PDZRN4: variants seen among roughly 807,000 people sequenced by gnomAD.
PDZRN4 encodes PDZ domain-containing RING finger protein 4.
PDZRN4 carries 70 observed loss-of-function variants against 99.0 expected under a neutral mutation model. That is an observed-to-expected ratio of 0.71 (90% CI 0.58 to 0.86). The LOEUF (loss-of-function observed/expected upper bound fraction) is 0.86. Ranked by LOEUF, PDZRN4 falls within the 40% of genes least tolerant of loss-of-function variation. The pLI is 0.00. For missense variants in PDZRN4, 1,474 were observed against 1,331.2 expected, an observed-to-expected ratio of 1.11 and a Z score of -1.67; for synonymous variants, 551 against 501.6, an observed-to-expected ratio of 1.10 and a Z score of -1.32.
chr12:41,411,067 A>ATATATATATATATATTT (rs34064559), intron 3 of PDZRN4, among the ~76,000 whole-genome samples: 5 of 140,432 alleles, frequency 3.6e-5, no homozygotes, highest in African/African-American at 1.3e-4. Context: ...ATATATATAT[A>ATATATATATATATATTT]TTTTTTTTTT....
At position 41,517,827 on chromosome 12, in the gene PDZRN4, C is replaced by T. The variant is rs570080057; in HGVS notation, c.1203+7914C>T. 2.0e-5 allele frequency among the ~76,000 whole-genome samples: 3 copies of T among 152,178 alleles called. No individual in the cohort carries two copies. In the South Asian group the frequency reaches 6.2e-4, roughly 32 times the overall value. On this transcript the variant is annotated intron_variant, in intron 5 of 9. Coordinates refer to ENST00000402685, the MANE Select transcript of PDZRN4 (RefSeq NM_001164595.2). ...GTTACAGAGAAAGCCCACACACTCA[C>T]ATGGCCTCACACTGGTCTATGTGTA...
chr12:41,338,109 T>C (rs1951788970), intron 3 of PDZRN4, among the ~76,000 whole-genome samples: 1 of 152,118 alleles, frequency 6.6e-6, no homozygotes, highest in Admixed American at 6.6e-5. Context: ...GATGACTATT[T>C]ATAATTAGAA....
At chr12:41,480,794 G>A (rs1428096973) in intron 3 of PDZRN4, among the ~76,000 whole-genome samples, 1 of 152,018 alleles carries the variant, frequency 6.6e-6, no homozygotes, top group African/African-American at 2.4e-5. Context: ...CAACTCAAAT[G>A]TGAGTCTAGG....
Position 41,188,585 on chromosome 12 carries a change from C to T in PDZRN4, c.130C>T (p.Pro44Ser), listed in dbSNP as rs936685241. Residue 44 changes from proline (P) to serine (S), a missense_variant, in exon 1 of 10, where the codon CCC becomes TCC. Pro to Ser is a moderately conservative substitution (Grantham distance 74). Transcript: ENST00000402685. ...GHVFCASCLL[P>S]WAVRRRRCPL... is the part of the protein sequence containing the mutation. ...CGTCTTCTGCGCCAGCTGCCTGTTG[C>T]CCTGGGCGGTGCGGAGGCGCCGGTG... 1.3e-6 allele frequency: 2 copies of T among 1,543,918 alleles called. No homozygotes were observed. Among genetic ancestry groups the T allele is most frequent in the Non-Finnish European group, 1.7e-6 (2 of 1,151,654 alleles).
chr12:41,247,789 G>A lies in PDZRN4; in HGVS notation c.843+53601G>A, dbSNP rs372670467. 1.5e-4 allele frequency among the ~76,000 whole-genome samples: 23 copies of A among 152,186 alleles called. No individual in the cohort carries two copies. The East Asian group carries it at 3.7e-3, about 24-fold the overall frequency. On this transcript the variant is annotated intron_variant, in intron 3 of 9. Transcript: ENST00000402685. ...TTTAAAAAAGAAAAATAGCATTTGT[G>A]CTTAGGGTAGCCAGTTTCGAACATG...
chr12:41,252,527 C>T (rs1951177343), intron 3 of PDZRN4, among the ~76,000 whole-genome samples: 1 of 152,102 alleles, frequency 6.6e-6, no homozygotes, highest in Non-Finnish European at 1.5e-5. Flanking sequence ...GCAGGGGGAT[C>T]ACAGGAGTTT....
rs1180305986 is a variant in PDZRN4 at position 41,402,942 on chromosome 12, G to A, written c.844-103514G>A. 3.3e-5 allele frequency among the ~76,000 whole-genome samples: 5 copies of A among 151,758 alleles called. No homozygotes were observed. The East Asian group carries it at 7.7e-4, about 24-fold the overall frequency. ...GCTAATATCGTGGTATCAAATTTAG[G>A]GAATTGATATATTTCATGATAACTT... is the stretch of plus-strand genomic sequence containing the variant. On this transcript the variant is annotated intron_variant, in intron 3 of 9. Transcript: ENST00000402685.
chr12:41,262,903 A>G (rs1384272279), intron 3 of PDZRN4, among the ~76,000 whole-genome samples: 2 of 152,182 alleles, frequency 1.3e-5, no homozygotes, highest in Non-Finnish European at 2.9e-5. Context: ...AGGTCAGTCA[A>G]TTAAGTTACC....
At chr12:41,544,659 A>G (rs1400353205) in intron 5 of PDZRN4, among the ~76,000 whole-genome samples, 1 of 152,214 alleles carries the variant, frequency 6.6e-6, no homozygotes, top group Non-Finnish European at 1.5e-5. Context: ...TTTTCTAATT[A>G]AAAAAAGAAA....
At chr12:41,279,861 C>A (rs1302415262) in intron 3 of PDZRN4, among the ~76,000 whole-genome samples, 1 of 152,142 alleles carries the variant, frequency 6.6e-6, no homozygotes, top group Non-Finnish European at 1.5e-5. Flanking sequence ...TTGAAGACTT[C>A]TTTTTTCCAT....
At chr12:41,437,840 T>A in intron 3 of PDZRN4, 1 of 1,601,352 alleles carries the variant, frequency 6.2e-7, no homozygotes, top group Non-Finnish European at 8.5e-7. Flanking sequence ...CTGAAGTGAC[T>A]GATGAAAAAC....
At chr12:41,209,503 C>A (rs183653461) in intron 3 of PDZRN4, among the ~76,000 whole-genome samples, 7 of 147,856 alleles carry the variant, frequency 4.7e-5, no homozygotes, top group Non-Finnish European at 7.5e-5. Flanking sequence ...CGCCTCCCCC[C>A]ACCCCACAAC....
intron 5 of PDZRN4, among the ~76,000 whole-genome samples, chr12:41,542,417 C>G (rs1388904539): frequency 3.9e-5 from 6 of 152,174 alleles, no homozygotes; most frequent in Admixed American, 1.3e-4. Flanking sequence ...CCTTGCTTTC[C>G]TAAGAATTCT....
chr12:41,488,549 T>C (rs1046580372), intron 3 of PDZRN4, among the ~76,000 whole-genome samples: 30 of 152,174 alleles, frequency 2.0e-4, no homozygotes, highest in African/African-American at 4.3e-4. Flanking sequence ...AGAATAATTT[T>C]ATCTCATTAA....
At chr12:41,485,053 G>T (rs1305544968) in intron 3 of PDZRN4, among the ~76,000 whole-genome samples, 2 of 152,100 alleles carry the variant, frequency 1.3e-5, no homozygotes, top group Non-Finnish European at 2.9e-5. Context: ...AAACATACTT[G>T]CTCTGGACCC....
At chr12:41,414,371 G>C (rs989609217) in intron 3 of PDZRN4, among the ~76,000 whole-genome samples, 3 of 152,034 alleles carry the variant, frequency 2.0e-5, no homozygotes, top group African/African-American at 7.2e-5. Context: ...AGCAAGATTA[G>C]GGAAATTTTC....
chr12:41,447,020 A>G (rs914042885), intron 3 of PDZRN4, among the ~76,000 whole-genome samples: 21 of 152,044 alleles, frequency 1.4e-4, no homozygotes, highest in Non-Finnish European at 2.9e-4. Flanking sequence ...TGGGACGACT[A>G]TAGTTATTGA....
chr12:41,440,351 A>G (rs1952668071), intron 3 of PDZRN4, among the ~76,000 whole-genome samples: 1 of 152,152 alleles, frequency 6.6e-6, no homozygotes, highest in African/African-American at 2.4e-5. Context: ...GATCAACAGG[A>G]AAAATGTTTA....
intron 5 of PDZRN4, among the ~76,000 whole-genome samples, chr12:41,513,021 T>C (rs1938335275): frequency 6.6e-6 from 1 of 152,092 alleles, no homozygotes; most frequent in Non-Finnish European, 1.5e-5. Context: ...TTTAGGTGCC[T>C]TTTTAAAGAC....
Sources: gnomAD v4.1 joint callset for allele counts (sites outside exome capture counted in the v4.1 genomes callset) on GRCh38, gnomAD v4.1.1 for gene constraint, MANE v1.5 for transcripts, NCBI Gene and HGNC (gene_info 2026-07-23, HGNC 2026-07-21) for gene names.